Variants in ZNF276 observed in about 807,000 individuals in gnomAD.
ZNF276 encodes centromere protein Z.
Under a neutral mutation model 63.9 loss-of-function variants are expected in ZNF276, and 59 were observed. The ratio of observed to expected loss-of-function variants is 0.92; its 90% CI spans 0.75 to 1.15. The LOEUF (loss-of-function observed/expected upper bound fraction) is 1.15. Ranked by LOEUF, ZNF276 falls within the 50% of genes most tolerant of loss-of-function variation. ZNF276 has a pLI of 0.00. For synonymous variants in ZNF276, 496 were observed against 348.4 expected, an observed-to-expected ratio of 1.42 and a Z score of -4.72; for missense variants, 1,084 against 843.8, an observed-to-expected ratio of 1.28 and a Z score of -3.53.
At chr16:89,729,171 G>A (rs2061565809) in intron 5 of ZNF276, 64 bp from the exon 6 acceptor site, 1 of 1,350,840 alleles carries the variant, frequency 7.4e-7, no homozygotes, top group Non-Finnish European at 1.1e-6. Context: ...TAGGCAGGAG[G>A]TCGTGTTGGG....
At chr16:89,724,468 G>A (rs555961684) in intron 4 of ZNF276, among the ~76,000 whole-genome samples, 135 of 152,248 alleles carry the variant, frequency 8.9e-4, no homozygotes, top group African/African-American at 3.1e-3. Flanking sequence ...CCAACATAGC[G>A]AAACCCCATC....
chr16:89,723,778 A>G (rs2151663506), intron 4 of ZNF276, 69 bp downstream of exon 4: 1 of 1,454,126 alleles, frequency 6.9e-7, no homozygotes, highest in East Asian at 2.4e-5. Context: ...TTTTCAGCAG[A>G]AAGTGAATGT....
intron 6 of ZNF276, among the ~76,000 whole-genome samples, chr16:89,730,742 C>T (rs561470287): frequency 6.6e-6 from 1 of 152,262 alleles, no homozygotes; most frequent in Non-Finnish European, 1.5e-5. Flanking sequence ...ACTTGGTTCC[C>T]CAGCTGCCAC....
intron 6 of ZNF276, 75 bp downstream of exon 6, chr16:89,729,393 T>C: frequency 1.5e-6 from 2 of 1,310,376 alleles, no homozygotes; most frequent in Non-Finnish European, 1.1e-6. Flanking sequence ...CCAGGGCCTC[T>C]CCCCGGTGCC....
chr16:89,733,642 C>T, intron 8 of ZNF276, 85 bp downstream of exon 8: 6 of 1,501,206 alleles, frequency 4.0e-6, no homozygotes, highest in Non-Finnish European at 5.5e-6. Flanking sequence ...CAGCCTAACT[C>T]AGACTTGCGC....
chr16:89,738,525 G>T lies in ZNF276; in HGVS notation c.*279G>T. 6.3e-7 allele frequency: 1 copy of T among 1,598,388 alleles called. No individual in the cohort carries two copies. The highest frequency in any genetic ancestry group is 8.6e-7 in the Non-Finnish European group (1 of 1,168,596). ...GGAGATTTGTAATCCACTTTTTAGTGCAACAAGAGCTCCATGTTATGCTTG... is the reference window on the plus strand; with the variant it reads ...GGAGATTTGTAATCCACTTTTTAGTTCAACAAGAGCTCCATGTTATGCTTG... On this transcript the variant is annotated 3_prime_UTR_variant, in exon 11 of 11. Coordinates refer to ENST00000443381, the MANE Select transcript of ZNF276 (RefSeq NM_001113525.2).
chr16:89,723,031 G>A (rs1246461515), intron 2 of ZNF276, 106 bp from the exon 3 acceptor site: 13 of 1,605,552 alleles, frequency 8.1e-6, no homozygotes, highest in Non-Finnish European at 1.1e-5. Context: ...AGAGAAAGTT[G>A]CCTATGGGGA....
chr16:89,723,639 G>A lies in ZNF276; in HGVS notation c.936G>A (p.Ser312=), dbSNP rs781362633. The part of the protein sequence containing the change: ...LPSTDVAQPP[S]DSDAVGPRSG... The stretch of plus-strand genomic sequence containing the variant: ...GCACGGATGTGGCCCAGCCTCCTTC[G>A]GACAGCGACGCGGTGGGGCCCAGGT... Residue 312 remains serine, a synonymous_variant, in exon 4 of 11, where the codon TCG becomes TCA. Transcript: ENST00000443381. 227 of 1,612,572 alleles carry A rather than the reference G, an allele frequency of 1.4e-4. No homozygotes were observed. The highest frequency in any genetic ancestry group is 4.9e-4 in the Middle Eastern group (3 of 6,084).
chr16:89,728,891 G>A (rs986973727), intron 5 of ZNF276, among the ~76,000 whole-genome samples: 11 of 152,204 alleles, frequency 7.2e-5, no homozygotes, highest in African/African-American at 2.2e-4. Flanking sequence ...CATAGGGTTC[G>A]CAGTTATGGG....
At chr16:89,725,597 C>G (rs2151669170) in intron 4 of ZNF276, among the ~76,000 whole-genome samples, 1 of 151,914 alleles carries the variant, frequency 6.6e-6, no homozygotes, top group African/African-American at 2.4e-5. Context: ...CGAGACCATC[C>G]TGACTAACAC....
Position 89,737,925 on chromosome 16 carries a change from C to T in ZNF276, c.1574+20C>T, listed in dbSNP as rs761686637. 11 of 1,571,198 alleles carry T rather than the reference C, an allele frequency of 7.0e-6. No homozygotes were observed. The highest frequency in any genetic ancestry group is 1.1e-5 in the South Asian group (1 of 89,060). On this transcript the variant is annotated intron_variant, in intron 10 of 10. Transcript: ENST00000443381. ...TTTGCAGTAAGTGTGAGTCAGGACCCCCTCCCAGGGCTGTGGCCCTCGCAC... is the reference window on the plus strand; with the variant it reads ...TTTGCAGTAAGTGTGAGTCAGGACCTCCTCCCAGGGCTGTGGCCCTCGCAC...
intron 9 of ZNF276, among the ~76,000 whole-genome samples, chr16:89,736,845 C>T (rs2061928727): frequency 6.9e-6 from 1 of 144,608 alleles, no homozygotes; most frequent in Non-Finnish European, 1.5e-5. Context: ...GTGGAGTTTC[C>T]AGTGAGCTGA....
At chr16:89,728,603 T>C (rs894300193) in intron 5 of ZNF276, among the ~76,000 whole-genome samples, 38 of 151,922 alleles carry the variant, frequency 2.5e-4, no homozygotes, top group South Asian at 4.2e-4. Flanking sequence ...GGGGTTTCAC[T>C]TTGTTAGCCG....
chr16:89,721,113 C>A (rs1447584825), upstream of ZNF276: 5 of 311,806 alleles, frequency 1.6e-5, no homozygotes, highest in Non-Finnish European at 2.3e-5. Flanking sequence ...ACGGGGCTGG[C>A]GAGAAGGGCC....
upstream of ZNF276, chr16:89,721,482 T>A: frequency 8.5e-6 from 5 of 587,066 alleles, no homozygotes; most frequent in African/African-American, 2.0e-5. Context: ...GTCCCGCCCC[T>A]GGCCCCTGGC....
In ZNF276 at chr16:89,723,361, CTG is replaced by C. The variant is rs2061367827; in HGVS notation, c.660_661del (p.Ser221LeufsTer68). On this transcript the variant is annotated frameshift_variant, in exon 4 of 11. Transcript: ENST00000443381. LOFTEE classifies it high-confidence loss of function. ...GGCCCTGCCCCACCTTCAGAGGACA[CTG>C]TCCTCCGAGTACTGCGGCGTCATCC... ...CGALPHLQRT[L>X]SSEYCGVIQV... is the part of the protein sequence containing the mutation. The C allele has an allele frequency of 6.2e-7, 1 of 1,613,026 alleles. No homozygotes were observed. The highest frequency in any genetic ancestry group is 8.5e-7 in the Non-Finnish European group (1 of 1,180,016).
Position 89,723,474 on chromosome 16 carries a change from G to A in ZNF276, c.771G>A (p.Leu257=). 1.2e-6 allele frequency: 2 copies of A among 1,613,036 alleles called. No individual in the cohort carries two copies. The highest frequency in any genetic ancestry group is 1.7e-6 in the Non-Finnish European group (2 of 1,180,036). ...AGGCCTTCTTGCTGGACAGTGCGCT[G>A]GCAGTCAAGTGGCCATGGGACAAAG... ...SCKAFLLDSA[L]AVKWPWDKET... The change falls in exon 4 of 11, where the codon CTG becomes CTA. Residue 257 remains leucine, a synonymous_variant. Transcript: ENST00000443381.
Position 89,727,288 on chromosome 16 carries a change from G to A in ZNF276, c.1016G>A (p.Gly339Asp), listed in dbSNP as rs147735566. The A allele has an allele frequency of 1.9e-6, 3 of 1,614,038 alleles. No individual in the cohort carries two copies. The highest frequency in any genetic ancestry group is 2.7e-5 in the African/African-American group (2 of 74,916). The part of the protein sequence containing the change: ...LPLCRAPGQL[G>D]EKQLPSSTSD... ...GTTCTTTGTTTCTCAGGGCAGTTGG[G>A]TGAGAAGCAGCTTCCATCTTCAACC... Residue 339 changes from glycine (G) to aspartate (D), a missense_variant, in exon 5 of 11, where the codon GGT (glycine) becomes GAT (aspartate). Transcript: ENST00000443381.
upstream of ZNF276, chr16:89,720,835 C>T (rs2061245185): frequency 1.4e-6 from 2 of 1,436,976 alleles, no homozygotes; most frequent in Non-Finnish European, 1.8e-6. Context: ...GCGGCTTCAC[C>T]GTGCCGTCCC....
Sources: gnomAD v4.1 joint callset for allele counts (sites outside exome capture counted in the v4.1 genomes callset) on GRCh38, gnomAD v4.1.1 for gene constraint, MANE v1.5 for transcripts, NCBI Gene and HGNC (gene_info 2026-07-23, HGNC 2026-07-21) for gene names.